PDE4D: variants seen among roughly 807,000 people sequenced by gnomAD.
PDE4D encodes the protein 3',5'-cyclic-AMP phosphodiesterase 4D.
Under a neutral mutation model 87.4 loss-of-function variants are expected in PDE4D, and 24 were observed. That is an observed-to-expected ratio of 0.27 (90% CI 0.20 to 0.39). The LOEUF (loss-of-function observed/expected upper bound fraction) is 0.39. Among genes scored for constraint, PDE4D ranks in the 10% least tolerant of loss-of-function variants. PDE4D has a pLI of 1.00. For synonymous variants in PDE4D, 384 were observed against 383.2 expected (o/e 1.00, Z -0.02); for missense variants, 714 against 1,041.0 (o/e 0.69, Z 4.32).
chr5:60,498,165 T>TGC (rs1491472996), intron 1 of PDE4D, among the ~76,000 whole-genome samples: 3 of 126,392 alleles, frequency 2.4e-5, no homozygotes, highest in East Asian at 4.8e-4. Context: ...GACACACACA[T>TGC]GCACACACAC....
intron 3 of PDE4D, among the ~76,000 whole-genome samples, chr5:59,905,966 C>G (rs993437625): frequency 6.6e-5 from 10 of 152,092 alleles, no homozygotes; most frequent in Non-Finnish European, 1.5e-4. Flanking sequence ...TTCTTCTCTC[C>G]TTTGTTTCTA....
intron 5 of PDE4D, among the ~76,000 whole-genome samples, chr5:59,098,534 C>T (rs1283380747): frequency 3.2e-5 from 3 of 93,472 alleles, no homozygotes; most frequent in South Asian, 3.3e-4. Flanking sequence ...CTCATCTCTA[C>T]AAAAAATTAA....
intron 1 of PDE4D, among the ~76,000 whole-genome samples, chr5:60,442,254 G>A (rs1248199005): frequency 6.6e-6 from 1 of 152,194 alleles, no homozygotes; most frequent in Non-Finnish European, 1.5e-5. Flanking sequence ...GGAATACTAT[G>A]CGGTCATAAA....
intron 1 of PDE4D, among the ~76,000 whole-genome samples, chr5:59,798,545 C>A (rs1488218511): frequency 6.6e-6 from 1 of 151,918 alleles, no homozygotes; most frequent in African/African-American, 2.4e-5. Context: ...TTCCTATAAG[C>A]AATTTTTGAA....
At chr5:59,495,195 C>G (rs768705435) in intron 1 of PDE4D, among the ~76,000 whole-genome samples, 5 of 152,196 alleles carry the variant, frequency 3.3e-5, no homozygotes, top group Non-Finnish European at 5.9e-5. Context: ...GTCGGGCTTT[C>G]TCCTGATGGC....
chr5:59,507,094 G>A (rs1809395336), intron 1 of PDE4D, among the ~76,000 whole-genome samples: 1 of 152,198 alleles, frequency 6.6e-6, no homozygotes, highest in African/African-American at 2.4e-5. Flanking sequence ...CACTTTGGCA[G>A]ACTGAGGCAG....
Position 59,423,193 on chromosome 5 carries a change from C to T in PDE4D, c.456-207225G>A, listed in dbSNP as rs59856096. ...ACATCAGGGCTTCATTCATGTGGTT[C>T]TCAGCAGAGTATGTTGTTACTCATC... On this transcript the variant is annotated intron_variant, in intron 1 of 14. Transcript: ENST00000340635. Among the ~76,000 whole-genome samples the T allele has an allele frequency of 9.5e-3, 1,444 of 152,258 alleles. 25 individuals are homozygous for T. Among genetic ancestry groups the T allele is most frequent in the African/African-American group, 0.034 (1,394 of 41,536 alleles).
chr5:59,232,267 A>G (rs991873310), intron 1 of PDE4D, among the ~76,000 whole-genome samples: 1 of 152,172 alleles, frequency 6.6e-6, no homozygotes, highest in African/African-American at 2.4e-5. Context: ...TGCAAAATAT[A>G]TATCTGACAA....
At chr5:59,662,388 A>G (rs1338958676) in intron 1 of PDE4D, among the ~76,000 whole-genome samples, 1 of 152,226 alleles carries the variant, frequency 6.6e-6, no homozygotes, top group Non-Finnish European at 1.5e-5. Flanking sequence ...TTTGCTGACA[A>G]TGGAGCAGAT....
In PDE4D at chr5:59,408,438, C is replaced by A. The variant is rs1792082784; in HGVS notation, c.456-192470G>T. Among the ~76,000 whole-genome samples, 3 of 152,192 alleles carry A rather than the reference C, an allele frequency of 2.0e-5. No homozygotes were observed. The South Asian group carries it at 6.2e-4, about 31-fold the overall frequency. ...TCCAGGCAGAAGCATGCTACAGGGACAGAGTCCTCACAGAAAACCTCTACT... is the reference window on the plus strand; with the variant it reads ...TCCAGGCAGAAGCATGCTACAGGGAAAGAGTCCTCACAGAAAACCTCTACT... On this transcript the variant is annotated intron_variant, in intron 1 of 14. Coordinates refer to ENST00000340635, the MANE Select transcript of PDE4D (RefSeq NM_001104631.2).
chr5:59,462,358 G>A (rs1800900061), intron 1 of PDE4D, among the ~76,000 whole-genome samples: 1 of 151,894 alleles, frequency 6.6e-6, no homozygotes, highest in African/African-American at 2.4e-5. Flanking sequence ...GATACCCCAG[G>A]TGTGTCTTGG....
chr5:60,110,027 A>G (rs1313575768), intron 2 of PDE4D, among the ~76,000 whole-genome samples: 1 of 152,102 alleles, frequency 6.6e-6, no homozygotes, highest in Admixed American at 6.6e-5. Context: ...TTAAAAAAAA[A>G]TTAAAAACCT....
chr5:59,197,765 T>C (rs569137397), intron 2 of PDE4D, among the ~76,000 whole-genome samples: 1 of 152,326 alleles, frequency 6.6e-6, no homozygotes, highest in Non-Finnish European at 1.5e-5. Flanking sequence ...TGAATATGAT[T>C]TGGTTTAAAG....
At chr5:59,178,924 G>A (rs1296062419) in intron 5 of PDE4D, among the ~76,000 whole-genome samples, 1 of 152,118 alleles carries the variant, frequency 6.6e-6, no homozygotes, top group Non-Finnish European at 1.5e-5. Context: ...GAGGCCTCAG[G>A]TACAGGTTCA....
At chr5:59,619,722 C>A (rs770587197) in intron 1 of PDE4D, among the ~76,000 whole-genome samples, 2 of 152,004 alleles carry the variant, frequency 1.3e-5, no homozygotes, top group Non-Finnish European at 2.9e-5. Flanking sequence ...GTTTTATGCA[C>A]AGAGAGTGGC....
intron 1 of PDE4D, among the ~76,000 whole-genome samples, chr5:59,660,740 T>C (rs1156999976): frequency 6.6e-6 from 1 of 152,044 alleles, no homozygotes; most frequent in African/African-American, 2.4e-5. Flanking sequence ...TGAGGGACAA[T>C]CAACAAGGCT....
intron 6 of PDE4D, among the ~76,000 whole-genome samples, chr5:58,997,272 AGTTGAT>A (rs1365304932): frequency 6.6e-6 from 1 of 152,178 alleles, no homozygotes; most frequent in Non-Finnish European, 1.5e-5. Flanking sequence ...CTCAACTGGT[AGTTGAT>A]CTCACAAATT....
chr5:59,592,339 G>A lies in PDE4D; in HGVS notation c.455+300829C>T, dbSNP rs543383707. On this transcript the variant is annotated intron_variant, in intron 1 of 14. Transcript: ENST00000340635. ...AATACGAGAAGCCTTTCATGAAGCC[G>A]CAGTTTCAGTTGCTGAGAGTCAGGG... is the stretch of plus-strand genomic sequence containing the variant. 2.6e-4 allele frequency among the ~76,000 whole-genome samples: 39 copies of A among 152,278 alleles called. No individual in the cohort carries two copies. In the South Asian group the frequency reaches 7.5e-3, roughly 29 times the overall value.
intron 2 of PDE4D, among the ~76,000 whole-genome samples, chr5:60,040,418 TG>T (rs1768340525): frequency 1.3e-5 from 2 of 152,140 alleles, no homozygotes; most frequent in South Asian, 4.1e-4. Flanking sequence ...CCAGGTTGGG[TG>T]GAAATTCCAC....
Sources: allele counts gnomAD v4.1 joint callset (sites outside exome capture counted in the v4.1 genomes callset), GRCh38; gene constraint gnomAD v4.1.1; transcripts MANE v1.5; gene names NCBI Gene and HGNC (gene_info 2026-07-23, HGNC 2026-07-21).